CNOT6L: variants seen among roughly 807,000 people sequenced by gnomAD.
CNOT6L encodes the protein CCR4-NOT transcription complex subunit 6-like.
Under a neutral mutation model 64.0 loss-of-function variants are expected in CNOT6L, and 7 were observed. The ratio of observed to expected loss-of-function variants is 0.11; its 90% CI spans 0.06 to 0.21. The LOEUF is 0.21. CNOT6L is among the 10% of genes least tolerant of loss of function. CNOT6L has a pLI of 1.00. For synonymous variants in CNOT6L, 193 were observed against 243.4 expected, an observed-to-expected ratio of 0.79 and a Z score of 1.93; for missense variants, 245 against 669.0, an observed-to-expected ratio of 0.37 and a Z score of 6.99.
chr4:77,746,332 A>G (rs1037513670), intron 6 of CNOT6L, among the ~76,000 whole-genome samples: 2 of 152,190 alleles, frequency 1.3e-5, no homozygotes, highest in East Asian at 1.9e-4. Flanking sequence ...CTCTGTTTCT[A>G]TCTGGGACCT....
At chr4:77,774,753 C>G in intron 2 of CNOT6L, 37 bp from the exon 3 acceptor site, 1 of 1,399,532 alleles carries the variant, frequency 7.1e-7, no homozygotes, top group Non-Finnish European at 9.5e-7. Flanking sequence ...AAAAAAACCC[C>G]AGGCCCAAGA....
In CNOT6L at chr4:77,715,899, T is replaced by C. The variant is rs1000133117; in HGVS notation, c.*4532A>G. On this transcript the variant is annotated 3_prime_UTR_variant, in exon 12 of 12. Transcript: ENST00000504123. ...ACAGATTAAAGATGTACTAAAATGT[T>C]TGAATTAATTTTGGTGATCATGATG... is the stretch of plus-strand genomic sequence containing the variant. 10 of 152,568 alleles carry C rather than the reference T, an allele frequency of 6.6e-5. 1 individual carries two copies. The South Asian group carries it at 1.7e-3, about 25-fold the overall frequency. 9.5% of individuals were successfully genotyped at this position (152,568 alleles called of 1,614,324 possible).
chr4:77,808,899 A>G (rs982372502), intron 1 of CNOT6L, among the ~76,000 whole-genome samples: 6 of 152,200 alleles, frequency 3.9e-5, no homozygotes, highest in Non-Finnish European at 7.3e-5. Context: ...GCATTATAGT[A>G]TAAGAGTGTT....
At chr4:77,722,884 T>C (rs921766493) in intron 11 of CNOT6L, among the ~76,000 whole-genome samples, 9 of 152,124 alleles carry the variant, frequency 5.9e-5, no homozygotes, top group Admixed American at 5.2e-4. Flanking sequence ...ATATTTAATA[T>C]TAATAATGTG....
At chr4:77,783,509 T>C (rs1404573263) in intron 1 of CNOT6L, among the ~76,000 whole-genome samples, 1 of 152,234 alleles carries the variant, frequency 6.6e-6, no homozygotes, top group Non-Finnish European at 1.5e-5. Flanking sequence ...TGTTCTCTAC[T>C]GTCACTACTC....
At chr4:77,731,782 G>T (rs1722464470) in intron 8 of CNOT6L, 2 of 341,642 alleles carry the variant, frequency 5.9e-6, no homozygotes, top group African/African-American at 2.1e-5. Context: ...TACAGCTAGT[G>T]CTCGGAGAAA....
chr4:77,774,198 G>C (rs1353393955), intron 3 of CNOT6L, among the ~76,000 whole-genome samples: 2 of 152,078 alleles, frequency 1.3e-5, no homozygotes, highest in Non-Finnish European at 2.9e-5. Context: ...ATAGAGATAT[G>C]TTCTTGTAAG....
intron 1 of CNOT6L, among the ~76,000 whole-genome samples, chr4:77,803,447 T>C (rs1731835745): frequency 6.6e-6 from 1 of 152,192 alleles, no homozygotes; most frequent in African/African-American, 2.4e-5. Flanking sequence ...AGCAATTCCT[T>C]TCCTAAAAAT....
rs917461022 is a variant in CNOT6L at position 77,716,011 on chromosome 4, G to A, written c.*4420C>T. On this transcript the variant is annotated 3_prime_UTR_variant, in exon 12 of 12. Transcript: ENST00000504123. Reference sequence around the variant, plus strand: ...ATTTAAAACTTTAGTTCAAGCTTCTGGCTTCCCTAGTTAATTTCTCTACCT... The same window carrying A: ...ATTTAAAACTTTAGTTCAAGCTTCTAGCTTCCCTAGTTAATTTCTCTACCT... 6.6e-6 allele frequency: 1 copy of A among 152,312 alleles called. No individual in the cohort carries two copies. The highest frequency in any genetic ancestry group is 1.5e-5 in the Non-Finnish European group (1 of 67,970). The allele number at this position is 152,312 out of a possible 1,614,324, so 9.4% of individuals were successfully genotyped here.
rs201610292 is a variant in CNOT6L, at chr4:77,766,749, AAAG to A, written c.400+6329_400+6331del. On this transcript the variant is annotated intron_variant, in intron 4 of 11. Transcript: ENST00000504123. ...AATAACCAAGAAAAGAGAAAAAAAA[AAAG>A]AAGAAAAAACCTTAAAAAATAAAAC... 0.014 allele frequency among the ~76,000 whole-genome samples: 2,163 copies of A among 151,784 alleles called. 80 individuals carry two copies. In the East Asian group the frequency reaches 0.16, roughly 11 times the overall value.
At chr4:77,757,812 G>C (rs1274043943) in intron 4 of CNOT6L, among the ~76,000 whole-genome samples, 1 of 152,072 alleles carries the variant, frequency 6.6e-6, no homozygotes, top group Non-Finnish European at 1.5e-5. Flanking sequence ...TGATTCTCGT[G>C]CCTCAGCCTC....
intron 11 of CNOT6L, 44 bp from the exon 12 acceptor site, chr4:77,720,687 A>G: frequency 6.3e-7 from 1 of 1,597,834 alleles, no homozygotes; most frequent in South Asian, 1.1e-5. Context: ...AATTCAAGAT[A>G]TATAAAGAAC....
chr4:77,818,665 T>C (rs1201350751), intron 1 of CNOT6L, among the ~76,000 whole-genome samples: 1 of 152,082 alleles, frequency 6.6e-6, no homozygotes. Flanking sequence ...CCTTCGCCTC[T>C]CAGGAGACGC....
At chr4:77,801,790 G>C (rs1731614986) in intron 1 of CNOT6L, among the ~76,000 whole-genome samples, 1 of 150,054 alleles carries the variant, frequency 6.7e-6, no homozygotes, top group Non-Finnish European at 1.5e-5. Context: ...CTCAGAAGCT[G>C]AGGCAGGAGG....
intron 3 of CNOT6L, 125 bp from the exon 4 acceptor site, chr4:77,773,291 T>G (rs955160737): frequency 1.7e-6 from 1 of 588,198 alleles, no homozygotes; most frequent in African/African-American, 1.9e-5. Context: ...CACATTTCTA[T>G]GTGCTCATCC....
intron 1 of CNOT6L, among the ~76,000 whole-genome samples, chr4:77,801,517 C>CA (rs997615240): frequency 9.3e-5 from 14 of 151,300 alleles, no homozygotes; most frequent in Non-Finnish European, 1.6e-4. Flanking sequence ...TGTAACATAC[C>CA]AAAAAAAATT....
At chr4:77,754,887 G>GAAAAAAAAAAAA (rs1725286474) in intron 5 of CNOT6L, among the ~76,000 whole-genome samples, 3 of 12,302 alleles carry the variant, frequency 2.4e-4, no homozygotes, top group Non-Finnish European at 5.4e-4. Flanking sequence ...AACATTAGAA[G>GAAAAAAAAAAAA]TAAAAAAAAA....
intron 1 of CNOT6L, among the ~76,000 whole-genome samples, chr4:77,808,397 G>A (rs1283266269): frequency 1.3e-5 from 2 of 151,424 alleles, no homozygotes; most frequent in Non-Finnish European, 2.9e-5. Context: ...GGGAGGTGGA[G>A]GTTGCAGTGA....
chr4:77,790,442 G>A (rs1729997236), intron 1 of CNOT6L, among the ~76,000 whole-genome samples: 1 of 152,174 alleles, frequency 6.6e-6, no homozygotes, highest in Non-Finnish European at 1.5e-5. Flanking sequence ...CATGATGGCT[G>A]GATCATATGG....
Sources: gnomAD v4.1 joint callset for allele counts (sites outside exome capture counted in the v4.1 genomes callset) on GRCh38, gnomAD v4.1.1 for gene constraint, MANE v1.5 for transcripts, NCBI Gene and HGNC (gene_info 2026-07-23, HGNC 2026-07-21) for gene names.